Variants in CDH13 observed in about 807,000 individuals in gnomAD.
The protein encoded by CDH13 is cadherin 13.
In CDH13, 24 loss-of-function variants were observed where a neutral mutation model predicts 63.8. The observed-to-expected ratio is 0.38, with a 90% confidence interval of 0.27 to 0.53. The LOEUF (loss-of-function observed/expected upper bound fraction) is 0.53. Ranked by LOEUF, CDH13 falls within the 20% of genes least tolerant of loss-of-function variation. The probability of loss-of-function intolerance (pLI) is 0.85; values close to 1 mark genes in which losing one functional copy is unlikely to be tolerated. For synonymous variants in CDH13, 503 were observed against 355.3 expected (o/e 1.42, Z -4.67); for missense variants, 1,049 against 903.1 (o/e 1.16, Z -2.07).
chr16:82,664,478 A>C (rs554605870), intron 1 of CDH13, among the ~76,000 whole-genome samples: 8 of 152,380 alleles, frequency 5.3e-5, no homozygotes, highest in Non-Finnish European at 1.5e-5. Context: ...CAGTGAGCCC[A>C]GCACAGTCAG....
chr16:82,747,560 C>G (rs2034232852), intron 1 of CDH13, among the ~76,000 whole-genome samples: 1 of 151,648 alleles, frequency 6.6e-6, no homozygotes, highest in Non-Finnish European at 1.5e-5. Context: ...GGTCCTTCCT[C>G]AGGTCCGAAT....
At chr16:82,764,761 G>A (rs1325031082) in intron 1 of CDH13, among the ~76,000 whole-genome samples, 1 of 151,460 alleles carries the variant, frequency 6.6e-6, no homozygotes, top group Non-Finnish European at 1.5e-5. Context: ...TCTTTATCTT[G>A]TGATGTGGAA....
intron 2 of CDH13, among the ~76,000 whole-genome samples, chr16:82,984,315 T>C (rs971690798): frequency 2.0e-5 from 3 of 152,218 alleles, no homozygotes; most frequent in Admixed American, 6.5e-5. Context: ...TGTCTTCACA[T>C]GGGAAATGTG....
intron 8 of CDH13, among the ~76,000 whole-genome samples, chr16:83,615,036 G>A (rs1909169101): frequency 6.6e-6 from 1 of 152,064 alleles, no homozygotes; most frequent in South Asian, 2.1e-4. Context: ...TTAACTCTTT[G>A]GGATCTTTTC....
chr16:83,515,659 C>T (rs1190202503), intron 7 of CDH13, among the ~76,000 whole-genome samples: 2 of 152,152 alleles, frequency 1.3e-5, no homozygotes, highest in Admixed American at 6.5e-5. Context: ...GATGTCACAA[C>T]AGAGATGTTA....
intron 4 of CDH13, among the ~76,000 whole-genome samples, chr16:83,140,210 T>A (rs890290636): frequency 3.9e-5 from 6 of 152,166 alleles, no homozygotes; most frequent in African/African-American, 1.2e-4. Context: ...CAAGCCCAGC[T>A]CCATGGCCGG....
At chr16:82,715,715 T>C (rs980216286) in intron 1 of CDH13, among the ~76,000 whole-genome samples, 2 of 152,162 alleles carry the variant, frequency 1.3e-5, no homozygotes, top group Non-Finnish European at 2.9e-5. Context: ...GACACTCCAG[T>C]GCAGGAAAGA....
At chr16:83,525,644 C>G (rs1373003779) in intron 7 of CDH13, among the ~76,000 whole-genome samples, 1 of 152,142 alleles carries the variant, frequency 6.6e-6, no homozygotes, top group Non-Finnish European at 1.5e-5. Flanking sequence ...GGTGTCCATG[C>G]TTTAGTGCCC....
At chr16:83,088,425 G>C (rs979185013) in intron 3 of CDH13, among the ~76,000 whole-genome samples, 1 of 152,178 alleles carries the variant, frequency 6.6e-6, no homozygotes, top group Non-Finnish European at 1.5e-5. Flanking sequence ...TAACGTTTTT[G>C]TGTTTCCAGG....
At chr16:83,115,445 C>T (rs565185807) in intron 3 of CDH13, among the ~76,000 whole-genome samples, 2 of 152,292 alleles carry the variant, frequency 1.3e-5, no homozygotes, top group East Asian at 1.9e-4. Context: ...TAGAAGGAAC[C>T]AGGTTATGTC....
At chr16:83,466,385 C>G (rs150729559) in intron 6 of CDH13, among the ~76,000 whole-genome samples, 19 of 152,248 alleles carry the variant, frequency 1.2e-4, no homozygotes, top group African/African-American at 4.6e-4. Context: ...ACATTAGAAC[C>G]GCCTTATATA....
intron 4 of CDH13, among the ~76,000 whole-genome samples, chr16:83,137,666 C>T (rs145775009): frequency 1.3e-5 from 2 of 152,246 alleles, no homozygotes; most frequent in African/African-American, 4.8e-5. Context: ...TAAGAGATAT[C>T]ACTGCCCGTT....
chr16:83,784,786 CCAT>C (rs2151013555), intron 13 of CDH13, among the ~76,000 whole-genome samples: 1 of 152,202 alleles, frequency 6.6e-6, no homozygotes, highest in Non-Finnish European at 1.5e-5. Context: ...ATCATCATCA[CCAT>C]CATCTCCATG....
intron 4 of CDH13, among the ~76,000 whole-genome samples, chr16:83,216,628 G>A (rs1160755510): frequency 2.1e-5 from 3 of 139,906 alleles, no homozygotes; most frequent in Non-Finnish European, 3.1e-5. Context: ...TAATACATAG[G>A]GGTTTAATAT....
At chr16:83,295,414 C>A (rs2089568520) in intron 5 of CDH13, among the ~76,000 whole-genome samples, 1 of 151,902 alleles carries the variant, frequency 6.6e-6, no homozygotes, top group African/African-American at 2.4e-5. Flanking sequence ...GCAAATGAAA[C>A]AACAGGGTAA....
intron 1 of CDH13, among the ~76,000 whole-genome samples, chr16:82,663,183 G>T (rs1912170830): frequency 6.6e-6 from 1 of 151,964 alleles, no homozygotes; most frequent in African/African-American, 2.4e-5. Context: ...TAGGTTTTTT[G>T]TTTGTTTGTT....
intron 1 of CDH13, among the ~76,000 whole-genome samples, chr16:82,658,805 A>G (rs1053616293): frequency 3.3e-5 from 5 of 152,148 alleles, no homozygotes; most frequent in African/African-American, 9.7e-5. Context: ...AAGTCGATAG[A>G]TTTTAAAAGC....
chr16:82,724,176 A>T (rs552276820), intron 1 of CDH13, among the ~76,000 whole-genome samples: 1 of 152,030 alleles, frequency 6.6e-6, no homozygotes, highest in Non-Finnish European at 1.5e-5. Context: ...ACTTTTTCTT[A>T]TTTCTCATTT....
At chr16:83,560,849 G>C (rs2075690277) in intron 7 of CDH13, among the ~76,000 whole-genome samples, 1 of 152,006 alleles carries the variant, frequency 6.6e-6, no homozygotes, top group Admixed American at 6.6e-5. Context: ...GCCCACCTCT[G>C]GCCCAGTAAG....
Sources: gnomAD v4.1 joint callset for allele counts (sites outside exome capture counted in the v4.1 genomes callset) on GRCh38, gnomAD v4.1.1 for gene constraint, MANE v1.5 for transcripts, NCBI Gene and HGNC (gene_info 2026-07-23, HGNC 2026-07-21) for gene names.